The following TRPC1 variants were observed in gnomAD, a reference collection of about 807,000 sequenced individuals.
The protein encoded by TRPC1 is transient receptor potential cation channel subfamily C member 1.
Under a neutral mutation model 88.2 loss-of-function variants are expected in TRPC1, and 42 were observed. That is an observed-to-expected ratio of 0.48 (90% confidence interval 0.37 to 0.62). The LOEUF (loss-of-function observed/expected upper bound fraction) is 0.62. TRPC1 is among the 20% of genes least tolerant of loss of function. The pLI is 0.00. For synonymous variants in TRPC1, 288 were observed against 331.8 expected (o/e 0.87, Z 1.43); for missense variants, 699 against 957.3 (o/e 0.73, Z 3.56).
intron 5 of TRPC1, among the ~76,000 whole-genome samples, chr3:142,778,164 C>A (rs1040851867): frequency 1.3e-5 from 2 of 152,124 alleles, no homozygotes; most frequent in Non-Finnish European, 2.9e-5. Context: ...TCAGATCTTT[C>A]AAAAGCATAT....
At chr3:142,775,661 A>G (rs181264072) in intron 4 of TRPC1, among the ~76,000 whole-genome samples, 7 of 152,296 alleles carry the variant, frequency 4.6e-5, no homozygotes, top group Non-Finnish European at 7.3e-5. Context: ...ACAGTAGGCT[A>G]ATTTCTTTGA....
chr3:142,753,680 G>T (rs1467273900), intron 4 of TRPC1, among the ~76,000 whole-genome samples: 1 of 143,246 alleles, frequency 7.0e-6, no homozygotes, highest in Non-Finnish European at 1.5e-5. Flanking sequence ...CAGGAGAATC[G>T]CTTGAACCTG....
intron 3 of TRPC1, 44 bp from the exon 4 acceptor site, chr3:142,748,214 A>C (rs546908763): frequency 6.8e-7 from 1 of 1,462,306 alleles, no homozygotes; most frequent in East Asian, 2.3e-5. Flanking sequence ...TATTTTTTGA[A>C]GTCACAAATA....
chr3:142,737,334 A>ATATATG lies in TRPC1; in HGVS notation c.327+804_327+805insATGTAT, dbSNP rs1553799430. ...ATGTACATTGCTATTTTATATATAT[A>ATATATG]TATGTATGTATGTATGTATGTATGT... On this transcript the variant is annotated intron_variant, in intron 2 of 12. Transcript: ENST00000476941. Among the ~76,000 whole-genome samples, 1,455 of 147,390 alleles carry ATATATG rather than the reference A, an allele frequency of 9.9e-3. 21 individuals carry two copies. The highest frequency in any genetic ancestry group is 0.034 in the African/African-American group (1,359 of 39,744).
chr3:142,757,358 T>TAC (rs34485568), intron 4 of TRPC1, among the ~76,000 whole-genome samples: 1 of 151,406 alleles, frequency 6.6e-6, no homozygotes, highest in Non-Finnish European at 1.5e-5. Flanking sequence ...CATGCACACA[T>TAC]GTTTATTGCG....
At position 142,804,517 on chromosome 3, in the gene TRPC1, C is replaced by T. The variant is rs1560122582; in HGVS notation, c.2041C>T (p.Pro681Ser). The T allele has an allele frequency of 1.2e-6, 2 of 1,613,696 alleles. No individual in the cohort carries two copies. Among genetic ancestry groups the T allele is most frequent in the Admixed American group, 1.7e-5 (1 of 59,946 alleles). Reference sequence around the variant, plus strand: ...TGATGACAAATGTACGTTACCTCCACCTTTCAACATCATTCCCTCACCAAA... The same window carrying T: ...TGATGACAAATGTACGTTACCTCCATCTTTCAACATCATTCCCTCACCAAA... ...YFDDKCTLPPPFNIIPSPKTI... is the reference protein window; with the variant it reads ...YFDDKCTLPPSFNIIPSPKTI... Residue 681 changes from proline to serine, a missense_variant, in exon 12 of 13, where the codon CCT (proline) becomes TCT (serine). Pro to Ser is a moderately conservative substitution (Grantham distance 74). Transcript: ENST00000476941.
At chr3:142,804,232 T>C in intron 11 of TRPC1, 54 bp downstream of exon 11, 2 of 1,514,992 alleles carry the variant, frequency 1.3e-6, no homozygotes, top group South Asian at 1.2e-5. Flanking sequence ...ACTAAGTGCA[T>C]ACAATAGATA....
chr3:142,743,945 G>A (rs1411108928), intron 3 of TRPC1, among the ~76,000 whole-genome samples: 1 of 152,068 alleles, frequency 6.6e-6, no homozygotes, highest in African/African-American at 2.4e-5. Context: ...TTAACTGATC[G>A]TGAGTAGAAA....
chr3:142,728,891 G>A (rs1485995929), intron 1 of TRPC1, among the ~76,000 whole-genome samples: 1 of 152,148 alleles, frequency 6.6e-6, no homozygotes, highest in Non-Finnish European at 1.5e-5. Context: ...GAGTATTGGT[G>A]TGAAGTGTTA....
At chr3:142,779,010 AATT>A (rs1935873258) in intron 5 of TRPC1, among the ~76,000 whole-genome samples, 2 of 152,304 alleles carry the variant, frequency 1.3e-5, no homozygotes, top group African/African-American at 4.8e-5. Flanking sequence ...GAGGCTGTTA[AATT>A]ATTCTGTTTA....
chr3:142,752,402 A>C (rs1934799718), intron 4 of TRPC1, among the ~76,000 whole-genome samples: 1 of 152,278 alleles, frequency 6.6e-6, no homozygotes, highest in African/African-American at 2.4e-5. Context: ...CTCCACCCAA[A>C]CATCTCAGTG....
Position 142,756,397 on chromosome 3 carries a change from T to C in TRPC1, c.632+7937T>C, listed in dbSNP as rs530407798. On this transcript the variant is annotated intron_variant, in intron 4 of 12. Transcript: ENST00000476941. ...TTTTTTGAGACAGAGTCTCGCTCTGTTGCCCATGCTGGAGTGCAGTGGCGC... is the reference window on the plus strand; with the variant it reads ...TTTTTTGAGACAGAGTCTCGCTCTGCTGCCCATGCTGGAGTGCAGTGGCGC... Among the ~76,000 whole-genome samples the C allele has an allele frequency of 3.2e-4, 48 of 151,300 alleles. No homozygotes were observed. In the East Asian group the frequency reaches 8.6e-3, roughly 27 times the overall value.
chr3:142,736,671 TTC>T, intron 2 of TRPC1, 138 bp downstream of exon 2: 2 of 822,264 alleles, frequency 2.4e-6, no homozygotes, highest in South Asian at 7.3e-5. Flanking sequence ...CTTACTCTCC[TTC>T]TGTCTTTCAT....
chr3:142,806,028 G>A lies in TRPC1; in HGVS notation c.2175G>A (p.Gln725=). 6.2e-7 allele frequency: 1 copy of A among 1,613,560 alleles called. No individual in the cohort carries two copies. Among genetic ancestry groups the A allele is most frequent in the East Asian group, 2.2e-5 (1 of 44,828 alleles). Residue 725 remains glutamine, a synonymous_variant, in exon 13 of 13, where the codon CAG becomes CAA. Coordinates refer to ENST00000476941, the MANE Select transcript of TRPC1 (RefSeq NM_001251845.2). The stretch of plus-strand genomic sequence containing the variant: ...TGAAGGAATGGAGGAATTTGAAACA[G>A]AAGAGAGATGAAAACTATCAAAAAG... ...NSLKEWRNLK[Q]KRDENYQKVM...
At chr3:142,747,196 G>T (rs1184116856) in intron 3 of TRPC1, among the ~76,000 whole-genome samples, 6 of 152,032 alleles carry the variant, frequency 3.9e-5, no homozygotes, top group South Asian at 2.1e-4. Context: ...TAAAAGGGGG[G>T]TGTAGTAGAA....
intron 4 of TRPC1, among the ~76,000 whole-genome samples, chr3:142,759,369 T>A (rs1352873758): frequency 6.6e-6 from 1 of 152,230 alleles, no homozygotes; most frequent in African/African-American, 2.4e-5. Context: ...ATCGCCATTC[T>A]AACTGGTGTG....
chr3:142,781,026 A>G lies in TRPC1; in HGVS notation c.957A>G (p.Lys319=). ...AACTTGCTATCAAATATAACCAGAAAGAGGTATGAGGCTTTCTGTAATATA... is the reference window on the plus strand; with the variant it reads ...AACTTGCTATCAAATATAACCAGAAGGAGGTATGAGGCTTTCTGTAATATA... ...RLKLAIKYNQ[K]EFVSQSNCQQ... Residue 319 remains lysine (K), a synonymous_variant, in exon 6 of 13, where the codon AAA becomes AAG. Coordinates refer to ENST00000476941, the MANE Select transcript of TRPC1 (RefSeq NM_001251845.2). 6.2e-7 allele frequency: 1 copy of G among 1,609,914 alleles called. No homozygotes were observed. Among genetic ancestry groups the G allele is most frequent in the South Asian group, 1.1e-5 (1 of 90,178 alleles).
intron 4 of TRPC1, among the ~76,000 whole-genome samples, chr3:142,754,522 TA>T (rs1426089584): frequency 1.3e-5 from 2 of 152,022 alleles, no homozygotes; most frequent in African/African-American, 4.8e-5. Context: ...CCCTAAAACT[TA>T]AAAGTATAAT....
chr3:142,802,123 G>A (rs1456960687), intron 9 of TRPC1, 46 bp from the exon 10 acceptor site: 3 of 1,296,606 alleles, frequency 2.3e-6, no homozygotes, highest in Non-Finnish European at 3.1e-6. Flanking sequence ...TTAATATTTT[G>A]TTTTTCTGAT....
Sources: gnomAD v4.1 joint callset for allele counts (sites outside exome capture counted in the v4.1 genomes callset) on GRCh38, gnomAD v4.1.1 for gene constraint, MANE v1.5 for transcripts, NCBI Gene and HGNC (gene_info 2026-07-23, HGNC 2026-07-21) for gene names.